MEI4: variants seen among roughly 807,000 people sequenced by gnomAD.
The protein encoded by MEI4 is meiosis-specific protein MEI4.
In MEI4, 27 loss-of-function variants were observed where a neutral mutation model predicts 31.4. That is an observed-to-expected ratio of 0.86 (90% confidence interval 0.63 to 1.19). MEI4 has a LOEUF of 1.19. Ranked by LOEUF, MEI4 falls within the 50% of genes most tolerant of loss-of-function variation. The pLI is 0.00. For missense variants in MEI4, 329 were observed against 398.9 expected (o/e 0.82, Z 1.49); for synonymous variants, 122 against 145.4 (o/e 0.84, Z 1.16).
At chr6:77,838,112 G>A (rs987063102) in intron 4 of MEI4, among the ~76,000 whole-genome samples, 7 of 151,898 alleles carry the variant, frequency 4.6e-5, no homozygotes, top group African/African-American at 1.2e-4. Context: ...ATAAAACCCC[G>A]CTGACATTAA....
rs527875274 is a variant in MEI4 at position 77,880,335 on chromosome 6, A to G, written c.901-42754A>G. ...AAGCTCCGCCTCCCGGGCTCACGCC[A>G]TTCTCCTGCCTCAGCCTCCTGCGTA... On this transcript the variant is annotated intron_variant, in intron 4 of 4. Coordinates refer to ENST00000684080, the MANE Select transcript of MEI4 (RefSeq NM_001322247.2). Among the ~76,000 whole-genome samples, 34 of 150,716 alleles carry G rather than the reference A, an allele frequency of 2.3e-4. No individual in the cohort carries two copies. In the South Asian group the frequency reaches 6.7e-3, roughly 30 times the overall value.
At chr6:77,800,033 A>G (rs1769203727) in intron 3 of MEI4, among the ~76,000 whole-genome samples, 1 of 152,142 alleles carries the variant, frequency 6.6e-6, no homozygotes, top group South Asian at 2.1e-4. Flanking sequence ...TCTGTGAAGA[A>G]AGTCATTGGT....
At chr6:77,850,981 T>C (rs1046645953) in intron 4 of MEI4, among the ~76,000 whole-genome samples, 16 of 152,052 alleles carry the variant, frequency 1.1e-4, no homozygotes, top group African/African-American at 3.1e-4. Context: ...GCAAAGGATA[T>C]GAACAGACAC....
At chr6:77,663,773 C>T (rs1436869491) in intron 1 of MEI4, among the ~76,000 whole-genome samples, 1 of 152,052 alleles carries the variant, frequency 6.6e-6, no homozygotes, top group Non-Finnish European at 1.5e-5. Flanking sequence ...GCTCGGGGTC[C>T]GTGATGGTCT....
intron 4 of MEI4, among the ~76,000 whole-genome samples, chr6:77,873,155 C>T (rs559055465): frequency 2.0e-5 from 3 of 152,166 alleles, no homozygotes; most frequent in Non-Finnish European, 4.4e-5. Flanking sequence ...ATTTCTAGTT[C>T]TAGATCCCTG....
Position 77,675,686 on chromosome 6 carries a change from C to T in MEI4, c.-14-14972C>T, listed in dbSNP as rs530237836. Among the ~76,000 whole-genome samples the T allele has an allele frequency of 2.5e-3, 387 of 152,170 alleles. 1 individual carries two copies. Among genetic ancestry groups the T allele is most frequent in the African/African-American group, 9.1e-3 (376 of 41,532 alleles). ...TTCTGCTCAATCTCAATACTATCAT[C>T]TGTAAATATGAGAGTTTAGGGAGGG... On this transcript the variant is annotated intron_variant, in intron 1 of 4. Coordinates refer to ENST00000684080, the MANE Select transcript of MEI4 (RefSeq NM_001322247.2).
At chr6:77,748,615 T>G (rs573576485) in intron 2 of MEI4, among the ~76,000 whole-genome samples, 1 of 152,224 alleles carries the variant, frequency 6.6e-6, no homozygotes, top group Non-Finnish European at 1.5e-5. Context: ...CGTGGAGACA[T>G]TTTCCCCATT....
chr6:77,902,367 T>C lies in MEI4; in HGVS notation c.901-20722T>C, dbSNP rs374939152. ...ACAGGCATCTTTCTGTTTAGTTGTA[T>C]ATTCTTCAATATCTTTAATCAGAAT... On this transcript the variant is annotated intron_variant, in intron 4 of 4. Coordinates refer to ENST00000684080, the MANE Select transcript of MEI4 (RefSeq NM_001322247.2). Among the ~76,000 whole-genome samples, 16 of 152,288 alleles carry C rather than the reference T, an allele frequency of 1.1e-4. 1 individual carries two copies. In the East Asian group the frequency reaches 1.4e-3, roughly 13 times the overall value.
intron 4 of MEI4, among the ~76,000 whole-genome samples, chr6:77,902,306 G>A (rs1177761636): frequency 1.3e-5 from 2 of 151,958 alleles, no homozygotes; most frequent in Non-Finnish European, 2.9e-5. Flanking sequence ...GATACTATAG[G>A]CATTTTAACA....
chr6:77,716,468 G>A (rs146920696), intron 2 of MEI4, among the ~76,000 whole-genome samples: 1 of 152,230 alleles, frequency 6.6e-6, no homozygotes, highest in African/African-American at 2.4e-5. Context: ...CAGCAGATGA[G>A]TGACACAATA....
In MEI4 at chr6:77,876,602, T is replaced by G. The variant is rs1343449300; in HGVS notation, c.901-46487T>G. On this transcript the variant is annotated intron_variant, in intron 4 of 4. Coordinates refer to ENST00000684080, the MANE Select transcript of MEI4 (RefSeq NM_001322247.2). The stretch of plus-strand genomic sequence containing the variant: ...GGCAACTACCTAACCCATTGTGGTT[T>G]AAATAAGAATTTAGGTATCAAGTAT... 2.6e-5 allele frequency among the ~76,000 whole-genome samples: 4 copies of G among 152,186 alleles called. No individual in the cohort carries two copies. In the East Asian group the frequency reaches 7.7e-4, roughly 29 times the overall value.
intron 4 of MEI4, among the ~76,000 whole-genome samples, chr6:77,903,376 TA>T (rs1348559331): frequency 6.6e-6 from 1 of 152,136 alleles, no homozygotes; most frequent in Non-Finnish European, 1.5e-5. Flanking sequence ...AAATAGGCTT[TA>T]TTTTAGATGT....
chr6:77,924,213 T>G lies in MEI4; in HGVS notation c.*867T>G, dbSNP rs1766788751. ...TGAGCATATGTTACATTTCCTATAG[T>G]GCCATTTAGGGAACACAAAATATAA... On this transcript the variant is annotated 3_prime_UTR_variant, in exon 5 of 5. Transcript: ENST00000684080. 6.6e-6 allele frequency: 1 copy of G among 151,866 alleles called. No homozygotes were observed. Among genetic ancestry groups the G allele is most frequent in the African/African-American group, 2.4e-5 (1 of 41,410 alleles). The allele number at this position is 151,866 out of a possible 1,614,324, so 9.4% of individuals were successfully genotyped here.
rs561144922 is a variant in MEI4, at chr6:77,842,962, C to T, written c.900+13900C>T. 8.6e-5 allele frequency among the ~76,000 whole-genome samples: 13 copies of T among 151,800 alleles called. No homozygotes were observed. The East Asian group carries it at 1.4e-3, about 16-fold the overall frequency. ...TCCCAACAAAGAAAACTCTAGACTT[C>T]GAGGGTTTCACTATCAAATTCTACC... On this transcript the variant is annotated intron_variant, in intron 4 of 4. Transcript: ENST00000684080.
At chr6:77,671,368 T>A (rs2127645786) in intron 1 of MEI4, among the ~76,000 whole-genome samples, 1 of 152,284 alleles carries the variant, frequency 6.6e-6, no homozygotes, top group East Asian at 1.9e-4. Context: ...CCTGTTCTTT[T>A]AATATTTCAA....
intron 4 of MEI4, among the ~76,000 whole-genome samples, chr6:77,845,859 A>G (rs1770469447): frequency 6.8e-6 from 1 of 147,536 alleles, no homozygotes; most frequent in South Asian, 2.1e-4. Context: ...TGTTGAGTGC[A>G]CTGAATCCTT....
chr6:77,912,141 T>A (rs1184646125), intron 4 of MEI4, among the ~76,000 whole-genome samples: 1 of 152,118 alleles, frequency 6.6e-6, no homozygotes, highest in Non-Finnish European at 1.5e-5. Flanking sequence ...TGGCTGTGAA[T>A]ATATGGAATT....
intron 4 of MEI4, among the ~76,000 whole-genome samples, chr6:77,850,502 C>G (rs995857675): frequency 1.3e-5 from 2 of 152,154 alleles, no homozygotes; most frequent in Non-Finnish European, 2.9e-5. Flanking sequence ...ACCATCTGAT[C>G]TCCGACAAAC....
intron 2 of MEI4, among the ~76,000 whole-genome samples, chr6:77,749,529 A>G (rs1236873483): frequency 6.6e-6 from 1 of 152,182 alleles, no homozygotes; most frequent in East Asian, 1.9e-4. Context: ...GAGATTGAAG[A>G]TCAACTCAAT....
Sources: gnomAD v4.1 joint callset for allele counts (sites outside exome capture counted in the v4.1 genomes callset) on GRCh38, gnomAD v4.1.1 for gene constraint, MANE v1.5 for transcripts, NCBI Gene and HGNC (gene_info 2026-07-23, HGNC 2026-07-21) for gene names.